Variants in KDM3B observed in about 807,000 individuals in gnomAD.
KDM3B encodes the protein lysine demethylase 3B.
A neutral mutation model predicts 170.0 loss-of-function variants in KDM3B; 10 were observed. The ratio of observed to expected loss-of-function variants is 0.06; its 90% CI spans 0.04 to 0.10. The LOEUF (loss-of-function observed/expected upper bound fraction) is 0.10. Among genes scored for constraint, KDM3B ranks in the 10% least tolerant of loss-of-function variants. The pLI is 1.00. For missense variants in KDM3B, 1,394 were observed against 2,195.2 expected (o/e 0.64, Z 7.29); for synonymous variants, 831 against 834.8 (o/e 1.00, Z 0.08).
chr5:138,391,764 C>A lies in KDM3B; in HGVS notation c.2132C>A (p.Thr711Asn). 1.9e-6 allele frequency: 3 copies of A among 1,614,050 alleles called. No individual in the cohort carries two copies. Among genetic ancestry groups the A allele is most frequent in the Admixed American group, 1.7e-5 (1 of 60,016 alleles). Reference sequence around the variant, plus strand: ...TCTGGTGTTCTGGGCTCAGCTCTTACCAGTGGGGGCCCAAGCCTCTCTGCC... The same window carrying A: ...TCTGGTGTTCTGGGCTCAGCTCTTAACAGTGGGGGCCCAAGCCTCTCTGCC... ...LVSGVLGSAL[T>N]SGGPSLSAMG... is the part of the protein sequence containing the mutation. The change falls in exon 8 of 24, where the codon ACC becomes AAC. Residue 711 changes from threonine to asparagine, a missense_variant. By Grantham distance (65) the Thr-to-Asn change is moderately conservative. This residue lies in a region of KDM3B where 294 missense variants were observed against 311.7 expected (regional missense o/e 0.94). Coordinates refer to ENST00000314358, the MANE Select transcript of KDM3B (RefSeq NM_016604.4). The surrounding 1 kb of genome is among the most constrained non-coding windows in gnomAD (Gnocchi z 5.0).
intron 3 of KDM3B, among the ~76,000 whole-genome samples, chr5:138,376,323 TGGTGGCTGAGGCTTCTTTCTTCTACACA>T (rs1761998240): frequency 6.6e-6 from 1 of 152,132 alleles, no homozygotes; most frequent in Non-Finnish European, 1.5e-5. Context: ...AAAGTACTTT[TGGTGGCTGAGGCTTCTTTCTTCTACACA>T]GCCCCACCCT....
intron 1 of KDM3B, among the ~76,000 whole-genome samples, chr5:138,358,377 T>A (rs1761511288): frequency 6.9e-6 from 1 of 145,574 alleles, no homozygotes. Flanking sequence ...CGATCTCAGC[T>A]CACTGCAACC....
At chr5:138,359,587 A>C (rs1359932253) in intron 1 of KDM3B, among the ~76,000 whole-genome samples, 2 of 151,266 alleles carry the variant, frequency 1.3e-5, no homozygotes, top group Admixed American at 6.6e-5. Context: ...GATTACAGGC[A>C]TGAGCCACTG....
chr5:138,427,946 A>G (rs781597063), intron 19 of KDM3B, 21 bp from the exon 20 acceptor site: 1 of 1,608,822 alleles, frequency 6.2e-7, no homozygotes. Context: ...TTCACCTTGC[A>G]TATTTTCCTT....
chr5:138,427,383 G>T (rs1763424435), intron 19 of KDM3B, 64 bp downstream of exon 19: 2 of 1,547,220 alleles, frequency 1.3e-6, no homozygotes, highest in Non-Finnish European at 1.8e-6. Flanking sequence ...ACTATAGAAG[G>T]ATATCTGTGG....
intron 1 of KDM3B, among the ~76,000 whole-genome samples, chr5:138,370,669 T>G (rs1322547140): frequency 2.0e-5 from 3 of 152,216 alleles, no homozygotes; most frequent in Non-Finnish European, 4.4e-5. Context: ...TGGCATTCAC[T>G]CTACAGGAAA....
At chr5:138,403,677 C>A (rs1485622712) in intron 11 of KDM3B, among the ~76,000 whole-genome samples, 34 of 132,170 alleles carry the variant, frequency 2.6e-4, no homozygotes, top group East Asian at 4.3e-4. Flanking sequence ...AACTCTGTCT[C>A]AAAAAAAAAA....
chr5:138,391,574 C>T lies in KDM3B; in HGVS notation c.1942C>T (p.Pro648Ser). The change falls in exon 8 of 24, where the codon CCT (proline) becomes TCT (serine). Residue 648 changes from proline to serine, a missense_variant. Transcript: ENST00000314358. The surrounding 1 kb of genome is among the most constrained non-coding windows in gnomAD (Gnocchi z 5.0). ...ATTTGTGGAGAAAGTTGAACACAGC[C>T]CTTTCAGTAGTTTTGCATCTCAGGC... ...LAFVEKVEHS[P>S]FSSFASQASG... is the part of the protein sequence containing the mutation. 2 of 1,614,118 alleles carry T rather than the reference C, an allele frequency of 1.2e-6. No individual in the cohort carries two copies. Among genetic ancestry groups the T allele is most frequent in the South Asian group, 2.2e-5 (2 of 91,086 alleles).
intron 9 of KDM3B, 46 bp downstream of exon 9, chr5:138,393,418 C>A (rs367769138): frequency 2.2e-5 from 32 of 1,443,094 alleles, no homozygotes; most frequent in Non-Finnish European, 2.9e-5. Context: ...TCATTAGTGA[C>A]ACATAACTTC....
intron 5 of KDM3B, among the ~76,000 whole-genome samples, chr5:138,380,647 A>G (rs904789014): frequency 2.0e-5 from 3 of 152,180 alleles, no homozygotes; most frequent in African/African-American, 7.2e-5. Context: ...ATTGGAATAA[A>G]TTTATATGTA....
chr5:138,428,911 C>G (rs1294433242), intron 20 of KDM3B, among the ~76,000 whole-genome samples: 1 of 145,418 alleles, frequency 6.9e-6, no homozygotes, highest in African/African-American at 2.5e-5. Context: ...AAATAAGTAA[C>G]TCAAAATCTT....
intron 7 of KDM3B, among the ~76,000 whole-genome samples, chr5:138,388,798 C>A (rs548081751): frequency 6.6e-6 from 1 of 151,966 alleles, no homozygotes; most frequent in Non-Finnish European, 1.5e-5. Context: ...GGTGACAGAG[C>A]GAGACTCCGT....
At chr5:138,429,352 T>C (rs1032894809) in intron 20 of KDM3B, among the ~76,000 whole-genome samples, 7 of 152,164 alleles carry the variant, frequency 4.6e-5, no homozygotes, top group African/African-American at 1.4e-4. Context: ...ATGCCCAGCC[T>C]ACATTTGCCT....
chr5:138,418,191 TGCCTCA>T (rs1763158501), intron 13 of KDM3B, among the ~76,000 whole-genome samples: 1 of 146,558 alleles, frequency 6.8e-6, no homozygotes, highest in African/African-American at 2.5e-5. Context: ...GTGATTCTCA[TGCCTCA>T]GCCTCCCAAG....
Position 138,420,691 on chromosome 5 carries a change from G to A in KDM3B, c.3716-15G>A. On this transcript the variant is annotated splice_polypyrimidine_tract_variant and intron_variant, in intron 14 of 23. Coordinates refer to ENST00000314358, the MANE Select transcript of KDM3B (RefSeq NM_016604.4). ...CTTTTTGTACCTAATGCTGTTCCTG[G>A]TTATGTTCTTACAGAAGCAGGGTCC... 2 of 1,613,388 alleles carry A rather than the reference G, an allele frequency of 1.2e-6. No homozygotes were observed. The highest frequency in any genetic ancestry group is 2.2e-5 in the East Asian group (1 of 44,868).
chr5:138,424,238 A>G lies in KDM3B; in HGVS notation c.4136A>G (p.His1379Arg). The part of the protein sequence containing the change: ...MVMGLNVLDP[H>R]TSHSWLCDGR... ...ATGGGGTTAAATGTGCTAGATCCCC[A>G]TACTTCTCACTCCTGGCTTTGTGAT... The change falls in exon 16 of 24, where the codon CAT becomes CGT. Residue 1379 changes from histidine (H) to arginine (R), a missense_variant. Around this residue, in one of 19 missense-constraint regions of KDM3B, gnomAD observed 137 missense variants for 166.9 expected, o/e 0.82. Transcript: ENST00000314358. 7 of 1,614,184 alleles carry G rather than the reference A, an allele frequency of 4.3e-6. No individual in the cohort carries two copies. Among genetic ancestry groups the G allele is most frequent in the Non-Finnish European group, 5.9e-6 (7 of 1,180,022 alleles).
chr5:138,432,616 C>T (rs1422314018), intron 23 of KDM3B, among the ~76,000 whole-genome samples: 1 of 152,032 alleles, frequency 6.6e-6, no homozygotes, highest in Non-Finnish European at 1.5e-5. Context: ...TTGCAGTGAG[C>T]TGAGATCACG....
At chr5:138,358,171 TG>T (rs1238895517) in intron 1 of KDM3B, among the ~76,000 whole-genome samples, 3 of 151,636 alleles carry the variant, frequency 2.0e-5, no homozygotes, top group African/African-American at 7.3e-5. Flanking sequence ...TTAGTAGAGA[TG>T]GGGTTTCACC....
At position 138,384,177 on chromosome 5, in the gene KDM3B, T is replaced by C. The variant is rs1327279618; in HGVS notation, c.781-1845T>C. Among the ~76,000 whole-genome samples the C allele has an allele frequency of 4.9e-4, 68 of 138,304 alleles. 1 individual carries two copies. Among genetic ancestry groups the C allele is most frequent in the Non-Finnish European group, 1.7e-4 (11 of 64,640 alleles). 90.7% of individuals were successfully genotyped at this position (138,304 alleles called of 152,430 possible). A position where few individuals can be genotyped will look rare whatever the true frequency, so the allele number is the denominator to read the frequency against. ...AGGAGAATGGCGTGAACCTGGGAGG[T>C]GGAGCTTGCAGTGAGCCGAGATCGT... On this transcript the variant is annotated intron_variant, in intron 6 of 23. Transcript: ENST00000314358.
Sources: allele counts gnomAD v4.1 joint callset (sites outside exome capture counted in the v4.1 genomes callset), GRCh38; gene constraint gnomAD v4.1.1; regional missense constraint gnomAD v4.1.1; non-coding constraint Gnocchi (gnomAD v3.1); transcripts MANE v1.5; gene names NCBI Gene and HGNC (gene_info 2026-07-23, HGNC 2026-07-21).